Variants in PRKN observed in about 807,000 individuals in gnomAD.
The protein encoded by PRKN is parkin RBR E3 ubiquitin protein ligase.
In PRKN, 56 loss-of-function variants were observed where a neutral mutation model predicts 59.5. That is an observed-to-expected ratio of 0.94 (90% CI 0.76 to 1.18). PRKN has a LOEUF of 1.18. Among genes scored for constraint, PRKN ranks in the 50% most tolerant of loss-of-function variants. The pLI is 0.00. For missense variants in PRKN, 657 were observed against 596.4 expected, an observed-to-expected ratio of 1.10 and a Z score of -1.06; for synonymous variants, 250 against 222.1, an observed-to-expected ratio of 1.13 and a Z score of -1.12.
chr6:162,317,906 A>G (rs1455161091), intron 2 of PRKN, among the ~76,000 whole-genome samples: 1 of 150,504 alleles, frequency 6.6e-6, no homozygotes, highest in African/African-American at 2.5e-5. Context: ...AGTTTTTTTA[A>G]CATGGTAAAA....
chr6:162,295,541 T>C (rs74347304), intron 2 of PRKN, among the ~76,000 whole-genome samples: 4,434 of 152,262 alleles, frequency 0.029, 205 homozygotes, highest in African/African-American at 0.096. Flanking sequence ...ATTCTGACTT[T>C]AGATCTCCTA....
chr6:162,089,001 A>G (rs2128295623), intron 4 of PRKN, among the ~76,000 whole-genome samples: 1 of 152,324 alleles, frequency 6.6e-6, no homozygotes, highest in Admixed American at 6.5e-5. Flanking sequence ...TTGGGTTTGG[A>G]AAAGGTACTT....
At chr6:162,666,510 C>T (rs532489479) in intron 1 of PRKN, among the ~76,000 whole-genome samples, 13 of 151,970 alleles carry the variant, frequency 8.6e-5, no homozygotes, top group South Asian at 6.2e-4. Context: ...CCTAGGAGAG[C>T]GAAATGTCCT....
At chr6:162,338,985 T>A (rs1433891354) in intron 2 of PRKN, among the ~76,000 whole-genome samples, 3 of 126,678 alleles carry the variant, frequency 2.4e-5, no homozygotes, top group Non-Finnish European at 5.0e-5. Flanking sequence ...CCGGCCACCC[T>A]GTCTGAGAAG....
chr6:161,939,469 C>A (rs1312968682), intron 6 of PRKN, among the ~76,000 whole-genome samples: 2 of 139,210 alleles, frequency 1.4e-5, no homozygotes, highest in Non-Finnish European at 3.1e-5. Context: ...TGGTGGCTCA[C>A]ACTTGTAATC....
intron 6 of PRKN, among the ~76,000 whole-genome samples, chr6:161,830,736 A>C (rs1244923061): frequency 6.6e-6 from 1 of 152,244 alleles, no homozygotes; most frequent in Non-Finnish European, 1.5e-5. Flanking sequence ...TAATTTAGCT[A>C]ACAAATGCAT....
intron 5 of PRKN, among the ~76,000 whole-genome samples, chr6:162,033,799 TTG>T (rs934370846): frequency 1.3e-5 from 2 of 152,230 alleles, no homozygotes; most frequent in African/African-American, 4.8e-5. Context: ...TAACTGTTCA[TTG>T]TGTGTTTTCC....
chr6:162,005,721 A>C (rs1281108513), intron 5 of PRKN, among the ~76,000 whole-genome samples: 1 of 152,220 alleles, frequency 6.6e-6, no homozygotes, highest in Non-Finnish European at 1.5e-5. Context: ...GCTTTAAAGT[A>C]GTTGAGATAC....
chr6:162,609,954 C>T (rs572088624), intron 1 of PRKN, among the ~76,000 whole-genome samples: 7 of 152,220 alleles, frequency 4.6e-5, no homozygotes, highest in South Asian at 2.1e-4. Context: ...TACATGGATA[C>T]GTTTTGGAAC....
intron 5 of PRKN, among the ~76,000 whole-genome samples, chr6:161,992,852 T>C (rs1383154801): frequency 4.6e-5 from 7 of 152,146 alleles, no homozygotes; most frequent in African/African-American, 1.7e-4. Context: ...TGCTCCTGAA[T>C]GACCATTAGG....
rs1423447075 is a variant in PRKN, at chr6:161,361,292, T to C, written c.1168-1087A>G. Among the ~76,000 whole-genome samples, 1 of 152,228 alleles carries C rather than the reference T, an allele frequency of 6.6e-6. No homozygotes were observed. Among genetic ancestry groups the C allele is most frequent in the Non-Finnish European group, 1.5e-5 (1 of 68,034 alleles). On this transcript the variant is annotated intron_variant, in intron 10 of 11. Transcript: ENST00000366898. This position sits in a 1 kb window ranked among gnomAD's most constrained non-coding sequence, Gnocchi z 5.2. ...AGGAAAATAACTGTACTGCATTTAA[T>C]AGTTTCTTTAGGAATTAGTGTTCAT...
intron 9 of PRKN, among the ~76,000 whole-genome samples, chr6:161,411,258 T>G (rs188768548): frequency 1.3e-5 from 2 of 152,078 alleles, no homozygotes; most frequent in Admixed American, 1.3e-4. Context: ...AATCGAATCA[T>G]GGGGGTGGCT....
chr6:162,261,065 T>G (rs1169237054), intron 3 of PRKN, among the ~76,000 whole-genome samples: 2 of 152,070 alleles, frequency 1.3e-5, no homozygotes, highest in Non-Finnish European at 2.9e-5. Flanking sequence ...AATTCAGGCT[T>G]GAATACCATC....
At chr6:161,519,729 A>G (rs1191068519) in intron 9 of PRKN, among the ~76,000 whole-genome samples, 1 of 152,208 alleles carries the variant, frequency 6.6e-6, no homozygotes, top group Non-Finnish European at 1.5e-5. Context: ...TTTATGTGCA[A>G]GGTAAGATCA....
intron 2 of PRKN, among the ~76,000 whole-genome samples, chr6:162,402,876 A>G (rs538670013): frequency 1.3e-5 from 2 of 151,140 alleles, no homozygotes; most frequent in South Asian, 4.2e-4. Context: ...CTGGTTTCAC[A>G]CTCCTAGGCT....
intron 7 of PRKN, among the ~76,000 whole-genome samples, chr6:161,595,680 AG>A (rs1781888643): frequency 6.6e-6 from 1 of 152,130 alleles, no homozygotes; most frequent in Non-Finnish European, 1.5e-5. Context: ...AAGCAGGGTG[AG>A]GTCAGCCCAA....
At chr6:161,590,884 A>G (rs1211181101) in intron 7 of PRKN, among the ~76,000 whole-genome samples, 2 of 152,166 alleles carry the variant, frequency 1.3e-5, no homozygotes, top group East Asian at 3.8e-4. Flanking sequence ...TCTAGATAAG[A>G]GGGGTCTAAA....
At chr6:162,397,451 T>C (rs773338924) in intron 2 of PRKN, among the ~76,000 whole-genome samples, 1 of 152,028 alleles carries the variant, frequency 6.6e-6, no homozygotes, top group Non-Finnish European at 1.5e-5. Flanking sequence ...GAGTCCTAGC[T>C]AATACATCTT....
At chr6:161,963,925 C>T (rs1401885695) in intron 6 of PRKN, among the ~76,000 whole-genome samples, 1 of 152,130 alleles carries the variant, frequency 6.6e-6, no homozygotes, top group Non-Finnish European at 1.5e-5. Flanking sequence ...TTGGAGGCAG[C>T]TCTGTATTTT....
Sources: allele counts gnomAD v4.1 joint callset (sites outside exome capture counted in the v4.1 genomes callset), GRCh38; gene constraint gnomAD v4.1.1; non-coding constraint Gnocchi (gnomAD v3.1); transcripts MANE v1.5; gene names NCBI Gene and HGNC (gene_info 2026-07-23, HGNC 2026-07-21).